Variants in USP10 observed in about 807,000 individuals in gnomAD.
USP10 encodes ubiquitin specific peptidase 10.
A neutral mutation model predicts 84.5 loss-of-function variants in USP10; 22 were observed. The ratio of observed to expected loss-of-function variants is 0.26; its 90% confidence interval spans 0.19 to 0.37. USP10 has a LOEUF of 0.37. Among genes scored for constraint, USP10 ranks in the 10% least tolerant of loss-of-function variants. The pLI is 1.00. For synonymous variants in USP10, 454 were observed against 387.6 expected, an observed-to-expected ratio of 1.17 and a Z score of -2.01; for missense variants, 1,019 against 998.9, an observed-to-expected ratio of 1.02 and a Z score of -0.27.
At chr16:84,700,730 A>G (rs1224522373) in intron 1 of USP10, among the ~76,000 whole-genome samples, 1 of 152,164 alleles carries the variant, frequency 6.6e-6, no homozygotes, top group Non-Finnish European at 1.5e-5. Context: ...CTTGCGTTTG[A>G]GTGACATCCC....
chr16:84,747,016 G>A (rs1911305002), intron 4 of USP10, among the ~76,000 whole-genome samples: 1 of 152,126 alleles, frequency 6.6e-6, no homozygotes, highest in Admixed American at 6.5e-5. Flanking sequence ...GCCTGCACAG[G>A]GTCAGGAGCA....
chr16:84,762,786 G>A (rs1188811782), intron 8 of USP10, among the ~76,000 whole-genome samples: 1 of 152,078 alleles, frequency 6.6e-6, no homozygotes, highest in Non-Finnish European at 1.5e-5. Flanking sequence ...TTAGAGATAT[G>A]TGTTTAGTCA....
intron 10 of USP10, among the ~76,000 whole-genome samples, chr16:84,765,160 T>G (rs1162860733): frequency 2.6e-5 from 4 of 151,918 alleles, no homozygotes; most frequent in African/African-American, 4.8e-5. Flanking sequence ...TAATAAATTG[T>G]GTATATTTAA....
intron 3 of USP10, among the ~76,000 whole-genome samples, chr16:84,744,372 T>A (rs560275251): frequency 2.0e-4 from 31 of 152,208 alleles, no homozygotes; most frequent in Admixed American, 5.2e-4. Flanking sequence ...TATTACAAAT[T>A]TATTTTAATT....
At chr16:84,737,257 T>G (rs1178144606) in intron 2 of USP10, among the ~76,000 whole-genome samples, 2 of 152,252 alleles carry the variant, frequency 1.3e-5, no homozygotes, top group African/African-American at 4.8e-5. Flanking sequence ...GTTTTCACAC[T>G]GTGCGTTTAG....
intron 1 of USP10, among the ~76,000 whole-genome samples, chr16:84,700,809 G>T (rs1904768792): frequency 1.3e-5 from 2 of 152,088 alleles, no homozygotes. Context: ...AAAGCTTGGG[G>T]GCCCTTTACA....
At chr16:84,726,952 T>C (rs1908569736) in intron 1 of USP10, among the ~76,000 whole-genome samples, 1 of 152,220 alleles carries the variant, frequency 6.6e-6, no homozygotes, top group Non-Finnish European at 1.5e-5. Context: ...GCAGAGTTGC[T>C]GAAACCTTAG....
rs994677053 is a variant in USP10 at position 84,775,161 on chromosome 16, A to G, written c.2145A>G (p.Glu715=). 2.5e-6 allele frequency: 4 copies of G among 1,613,614 alleles called. No homozygotes were observed. Among genetic ancestry groups the G allele is most frequent in the Admixed American group, 1.7e-5 (1 of 60,000 alleles). The part of the protein sequence containing the change: ...EYPVDLEISK[E]LLSPGVKNKN... Reference sequence around the variant, plus strand: ...AGCCATTGATATTTTGTTTTCCAGAACTGCTTTCTCCAGGGGTTAAAAATA... The same window carrying G: ...AGCCATTGATATTTTGTTTTCCAGAGCTGCTTTCTCCAGGGGTTAAAAATA... The change falls in exon 13 of 14, where the codon GAA becomes GAG. Residue 715 remains glutamate (E), a splice_region_variant and synonymous_variant. Transcript: ENST00000219473.
At chr16:84,729,421 A>T (rs1035267027) in intron 1 of USP10, among the ~76,000 whole-genome samples, 16 of 152,168 alleles carry the variant, frequency 1.1e-4, no homozygotes, top group African/African-American at 3.6e-4. Flanking sequence ...CAAATAGAGG[A>T]TTCCTTTATA....
At chr16:84,750,337 G>T (rs142461369) in intron 4 of USP10, among the ~76,000 whole-genome samples, 1 of 151,520 alleles carries the variant, frequency 6.6e-6, no homozygotes, top group East Asian at 1.9e-4. Flanking sequence ...GAACCGGGGA[G>T]GTGGAGGTTC....
intron 1 of USP10, among the ~76,000 whole-genome samples, 188 bp downstream of exon 1, chr16:84,700,299 G>C (rs560208051): frequency 3.6e-4 from 55 of 152,018 alleles, no homozygotes; most frequent in African/African-American, 1.1e-3. Flanking sequence ...TTCGTCCCCT[G>C]AGCCACCCGG....
chr16:84,700,972 C>G (rs921095083), intron 1 of USP10, among the ~76,000 whole-genome samples: 5 of 152,004 alleles, frequency 3.3e-5, no homozygotes, highest in Non-Finnish European at 7.4e-5. Flanking sequence ...TATTATTTGT[C>G]AGCCTTGCTT....
At chr16:84,722,448 T>C (rs922841227) in intron 1 of USP10, among the ~76,000 whole-genome samples, 27 of 152,260 alleles carry the variant, frequency 1.8e-4, no homozygotes, top group Non-Finnish European at 3.5e-4. Flanking sequence ...GTGGTAAGCG[T>C]ATATTCTATT....
chr16:84,736,868 A>G (rs925588984), intron 2 of USP10, among the ~76,000 whole-genome samples: 2 of 152,122 alleles, frequency 1.3e-5, no homozygotes, highest in African/African-American at 4.8e-5. Flanking sequence ...GGCTCACTGC[A>G]AGCTCCGCCT....
chr16:84,775,435 G>A (rs1914904207), intron 13 of USP10, among the ~76,000 whole-genome samples: 1 of 152,212 alleles, frequency 6.6e-6, no homozygotes, highest in East Asian at 1.9e-4. Flanking sequence ...ACAGATAACA[G>A]AAGACCTTGC....
chr16:84,703,829 A>G (rs1193621286), intron 1 of USP10, among the ~76,000 whole-genome samples: 1 of 152,246 alleles, frequency 6.6e-6, no homozygotes, highest in Non-Finnish European at 1.5e-5. Context: ...GGACCTCACC[A>G]TCATGCTCTT....
intron 11 of USP10, among the ~76,000 whole-genome samples, chr16:84,770,058 A>G (rs1265573133): frequency 5.3e-5 from 8 of 152,142 alleles, no homozygotes; most frequent in African/African-American, 7.2e-5. Flanking sequence ...GCAGTGAGCT[A>G]TGATCACGCC....
intron 1 of USP10, among the ~76,000 whole-genome samples, chr16:84,721,818 C>G (rs940157776): frequency 2.0e-5 from 3 of 152,246 alleles, no homozygotes; most frequent in East Asian, 3.8e-4. Flanking sequence ...CTGCCTCAGC[C>G]TCTCGAGTAG....
chr16:84,735,739 G>C (rs1178863010), intron 2 of USP10, among the ~76,000 whole-genome samples: 1 of 152,180 alleles, frequency 6.6e-6, no homozygotes, highest in Non-Finnish European at 1.5e-5. Context: ...AACTCGTAGT[G>C]TGTGTGGGCT....
Sources: gnomAD v4.1 joint callset for allele counts (sites outside exome capture counted in the v4.1 genomes callset) on GRCh38, gnomAD v4.1.1 for gene constraint, MANE v1.5 for transcripts, NCBI Gene and HGNC (gene_info 2026-07-23, HGNC 2026-07-21) for gene names.